FAT3: variants seen among roughly 807,000 people sequenced by gnomAD.
FAT3 encodes the protein protocadherin Fat 3.
In FAT3, 95 loss-of-function variants were observed where a neutral mutation model predicts 310.2. The observed-to-expected ratio is 0.31, with a 90% CI of 0.26 to 0.36. The LOEUF (loss-of-function observed/expected upper bound fraction) is 0.36. Among genes scored for constraint, FAT3 ranks in the 10% least tolerant of loss-of-function variants. The probability of loss-of-function intolerance (pLI) is 1.00; values close to 1 mark genes in which losing one functional copy is unlikely to be tolerated. For synonymous variants in FAT3, 2,314 were observed against 2,192.9 expected, an observed-to-expected ratio of 1.06 and a Z score of -1.54; for missense variants, 5,408 against 5,715.6, an observed-to-expected ratio of 0.95 and a Z score of 1.74.
At chr11:92,812,161 A>G (rs1184455070) in intron 13 of FAT3, among the ~76,000 whole-genome samples, 1 of 152,272 alleles carries the variant, frequency 6.6e-6, no homozygotes, top group East Asian at 1.9e-4. Flanking sequence ...AAAAGTGACA[A>G]TTTCTCCGTT....
intron 2 of FAT3, among the ~76,000 whole-genome samples, chr11:92,404,237 A>G (rs945801955): frequency 6.6e-6 from 1 of 152,132 alleles, no homozygotes; most frequent in Admixed American, 6.5e-5. Context: ...AAAAGACATT[A>G]TTCCTGCTTC....
chr11:92,240,369 T>G (rs1410534058), intron 1 of FAT3, among the ~76,000 whole-genome samples: 2 of 152,042 alleles, frequency 1.3e-5, no homozygotes, highest in Non-Finnish European at 2.9e-5. Context: ...TCTTTTCAGT[T>G]TGTAACTGCT....
At chr11:92,843,010 G>A (rs971444313) in intron 18 of FAT3, among the ~76,000 whole-genome samples, 5 of 151,196 alleles carry the variant, frequency 3.3e-5, no homozygotes, top group Admixed American at 1.3e-4. Context: ...ACAATAGAAG[G>A]ACCCTGTGAA....
intron 3 of FAT3, among the ~76,000 whole-genome samples, chr11:92,674,143 T>G (rs1943214099): frequency 6.6e-6 from 1 of 151,282 alleles, no homozygotes; most frequent in African/African-American, 2.4e-5. Context: ...ATCATGCCAT[T>G]GCACTTCAGC....
At chr11:92,374,277 A>G (rs928713843) in intron 2 of FAT3, among the ~76,000 whole-genome samples, 4 of 152,198 alleles carry the variant, frequency 2.6e-5, no homozygotes, top group African/African-American at 4.8e-5. Context: ...TAAGCATTGT[A>G]TATTCTAGTG....
intron 3 of FAT3, among the ~76,000 whole-genome samples, chr11:92,576,425 G>A (rs1360848295): frequency 6.6e-6 from 1 of 152,156 alleles, no homozygotes; most frequent in African/African-American, 2.4e-5. Context: ...TTCAGTCCAA[G>A]AGGAGAGTTA....
intron 13 of FAT3, among the ~76,000 whole-genome samples, chr11:92,818,020 C>T (rs925044529): frequency 1.8e-4 from 27 of 152,174 alleles, no homozygotes; most frequent in Admixed American, 6.6e-5. Flanking sequence ...CTTCTTGGGA[C>T]AGAGTCTGAG....
rs914423417 is a variant in FAT3 at position 92,760,483 on chromosome 11, T to C, written c.3670-1373T>C. Among the ~76,000 whole-genome samples the C allele has an allele frequency of 3.5e-3, 530 of 152,330 alleles. 10 individuals carry two copies. Among genetic ancestry groups the C allele is most frequent in the Non-Finnish European group, 5.0e-4 (34 of 68,024 alleles). On this transcript the variant is annotated intron_variant, in intron 4 of 27. Coordinates refer to ENST00000525166, the MANE Select transcript of FAT3 (RefSeq NM_001367949.2). ...GTTCCTTCCAGCCTCCAAGTACATA[T>C]ATGGAAGTAATAATCTGTTTCATTC...
Position 92,840,578 on chromosome 11 carries a change from G to C in FAT3, c.10385G>C (p.Gly3462Ala), listed in dbSNP as rs751216859. The C allele has an allele frequency of 1.9e-6, 3 of 1,591,358 alleles. No homozygotes were observed. Among genetic ancestry groups the C allele is most frequent in the Non-Finnish European group, 2.6e-6 (3 of 1,162,050 alleles). The change falls in exon 18 of 28, where the codon GGC (glycine) becomes GCC (alanine). Residue 3462 changes from glycine (G) to alanine (A), a missense_variant. Gly to Ala is a moderately conservative substitution (Grantham distance 60). Around this residue, in one of 5 missense-constraint regions of FAT3, gnomAD observed 4,588 missense variants for 4,809.8 expected, o/e 0.95. Transcript: ENST00000525166. ...TTTATGCAGGAAAATAAGCCAGTGG[G>C]CACCAGCATCTTGCAGCTGGTGGTG... ...TAVIQENKPV[G>A]TSILQLVVTD...
intron 2 of FAT3, among the ~76,000 whole-genome samples, chr11:92,426,660 A>C (rs920490392): frequency 3.0e-4 from 45 of 152,212 alleles, no homozygotes; most frequent in African/African-American, 9.9e-4. Context: ...TGTTTTTGTC[A>C]GGTTTGTCAA....
intron 2 of FAT3, among the ~76,000 whole-genome samples, chr11:92,453,067 C>A (rs1951402738): frequency 6.6e-6 from 1 of 152,160 alleles, no homozygotes; most frequent in Non-Finnish European, 1.5e-5. Flanking sequence ...ACCCTCTACA[C>A]CTAGCCTGAT....
intron 1 of FAT3, among the ~76,000 whole-genome samples, chr11:92,306,172 C>G (rs1225145825): frequency 6.6e-6 from 1 of 151,866 alleles, no homozygotes; most frequent in African/African-American, 2.4e-5. Flanking sequence ...GCTAGTTACC[C>G]TTCTAAGAAA....
At chr11:92,324,107 ATGT>A (rs1433262423) in intron 1 of FAT3, among the ~76,000 whole-genome samples, 1 of 152,214 alleles carries the variant, frequency 6.6e-6, no homozygotes, top group Non-Finnish European at 1.5e-5. Context: ...GCTTAAGGGA[ATGT>A]TGTGGCTGGT....
At chr11:92,889,924 G>A in intron 27 of FAT3, 33 bp downstream of exon 27, 1 of 717,934 alleles carries the variant, frequency 1.4e-6, no homozygotes, top group Non-Finnish European at 2.6e-6. Flanking sequence ...ATAACTTTTT[G>A]TGTGTTTGTT....
At chr11:92,628,848 A>T (rs1941436280) in intron 3 of FAT3, among the ~76,000 whole-genome samples, 1 of 152,152 alleles carries the variant, frequency 6.6e-6, no homozygotes, top group Admixed American at 6.5e-5. Flanking sequence ...GATCTTCTGA[A>T]AGAAGAAGGG....
intron 13 of FAT3, among the ~76,000 whole-genome samples, chr11:92,821,544 T>A (rs1446825013): frequency 6.6e-6 from 1 of 152,186 alleles, no homozygotes; most frequent in African/African-American, 2.4e-5. Context: ...TAAATAATCC[T>A]CCCTACAGAC....
At chr11:92,570,075 C>T (rs16917770) in intron 3 of FAT3, among the ~76,000 whole-genome samples, 2,261 of 152,240 alleles carry the variant, frequency 0.015, 38 homozygotes, top group African/African-American at 0.039. Context: ...ATTTGACAGT[C>T]ATTTTGGTGC....
intron 22 of FAT3, among the ~76,000 whole-genome samples, chr11:92,878,259 G>A (rs987636409): frequency 6.6e-6 from 1 of 152,058 alleles, no homozygotes; most frequent in Non-Finnish European, 1.5e-5. Context: ...ATAAGGCCTT[G>A]AACTGAATAA....
Position 92,800,432 on chromosome 11 carries a change from TG to T in FAT3, c.7422del (p.Leu2475CysfsTer28). The T allele has an allele frequency of 6.2e-7, 1 of 1,614,018 alleles. No homozygotes were observed. The highest frequency in any genetic ancestry group is 8.5e-7 in the Non-Finnish European group (1 of 1,179,876). ...ACAGTCTCAATGTGTCTGTCTCTGA[TG>T]GGTTGTTCACCAGCACTGCACAGGT... Reference protein sequence around the residue: ...LYSLNVSVSDGLFTSTAQVHI... With the variant: ...LYSLNVSVSDXLFTSTAQVHI... On this transcript the variant is annotated frameshift_variant, in exon 10 of 28. Coordinates refer to ENST00000525166, the MANE Select transcript of FAT3 (RefSeq NM_001367949.2). LOFTEE classifies it high-confidence loss of function.
Sources: gnomAD v4.1 joint callset for allele counts (sites outside exome capture counted in the v4.1 genomes callset) on GRCh38, gnomAD v4.1.1 for gene constraint, gnomAD v4.1.1 regional missense constraint, MANE v1.5 for transcripts, NCBI Gene and HGNC (gene_info 2026-07-23, HGNC 2026-07-21) for gene names.